UBE3A: variants seen among roughly 807,000 people sequenced by gnomAD.
The protein encoded by UBE3A is ubiquitin protein ligase E3A, also known as ubiquitin-protein ligase E3A.
UBE3A carries 6 observed loss-of-function variants against 83.4 expected under a neutral mutation model. That is an observed-to-expected ratio of 0.07 (90% CI 0.04 to 0.14). UBE3A has a LOEUF of 0.14. Among genes scored for constraint, UBE3A ranks in the 10% least tolerant of loss-of-function variants. The pLI, the probability that UBE3A is intolerant of heterozygous loss-of-function variation, is 1.00. For synonymous variants in UBE3A, 337 were observed against 355.4 expected, an observed-to-expected ratio of 0.95 and a Z score of 0.58; for missense variants, 456 against 1,036.1, an observed-to-expected ratio of 0.44 and a Z score of 7.69.
chr15:25,379,488 G>C (rs1053162957), intron 4 of UBE3A, among the ~76,000 whole-genome samples: 2 of 152,120 alleles, frequency 1.3e-5, no homozygotes, highest in African/African-American at 4.8e-5. Flanking sequence ...GATGAGACAG[G>C]ACTAAAGGAA....
chr15:25,434,969 T>TACACACACAC (rs55856025), intron 1 of UBE3A, among the ~76,000 whole-genome samples: 7 of 142,882 alleles, frequency 4.9e-5, no homozygotes, highest in African/African-American at 1.9e-4. Flanking sequence ...TCTATATACA[T>TACACACACAC]ACACACACAC....
At chr15:25,378,501 C>A (rs2081604804) in intron 4 of UBE3A, among the ~76,000 whole-genome samples, 1 of 152,088 alleles carries the variant, frequency 6.6e-6, no homozygotes, top group Non-Finnish European at 1.5e-5. Context: ...CACTGCGGGG[C>A]ACTTTGACAT....
At chr15:25,357,038 A>G (rs890499875) in intron 7 of UBE3A, 142 bp from the exon 8 acceptor site, 2 of 705,372 alleles carry the variant, frequency 2.8e-6, no homozygotes, top group East Asian at 5.6e-5. Flanking sequence ...GATTTCTATT[A>G]TATTAGCACT....
At chr15:25,416,914 G>A (rs1265086263) in intron 1 of UBE3A, among the ~76,000 whole-genome samples, 1 of 152,122 alleles carries the variant, frequency 6.6e-6, no homozygotes, top group Admixed American at 6.6e-5. Flanking sequence ...CCAGTGAGAA[G>A]ACAGCAGTTT....
intron 4 of UBE3A, among the ~76,000 whole-genome samples, chr15:25,393,417 A>G (rs1204625446): frequency 6.6e-6 from 1 of 152,190 alleles, no homozygotes; most frequent in Non-Finnish European, 1.5e-5. Context: ...CAGTTAAAAA[A>G]CAAAGAACTC....
chr15:25,412,009 AAAC>A (rs1374513500), intron 1 of UBE3A, 38 bp from the exon 2 acceptor site: 1 of 152,224 alleles, frequency 6.6e-6, no homozygotes. Flanking sequence ...CTTTTTACAT[AAAC>A]AACTGGATGA....
chr15:25,387,521 CA>C lies in UBE3A; in HGVS notation c.63-11759del, dbSNP rs908501301. ...TGGGCGACAAAGCGAGACTCCATCT[CA>C]AAAAAAAAAGAAAAGAAAAGAATGA... is the stretch of plus-strand genomic sequence containing the variant. On this transcript the variant is annotated intron_variant, in intron 4 of 12. Coordinates refer to ENST00000648336, the MANE Select transcript of UBE3A (RefSeq NM_130839.5). 6.3e-4 allele frequency among the ~76,000 whole-genome samples: 88 copies of C among 140,680 alleles called. 1 individual carries two copies. The East Asian group carries it at 0.012, about 20-fold the overall frequency. The allele number at this position is 140,680 out of a possible 152,430, so 92.3% of individuals were successfully genotyped here. A position where few individuals can be genotyped will look rare whatever the true frequency, so the allele number is the denominator to read the frequency against.
intron 4 of UBE3A, among the ~76,000 whole-genome samples, chr15:25,401,670 T>G (rs928451197): frequency 2.6e-5 from 4 of 152,234 alleles, no homozygotes; most frequent in Non-Finnish European, 4.4e-5. Context: ...TGATTTAACT[T>G]GAGTCATCTC....
intron 12 of UBE3A, 187 bp from the exon 13 acceptor site, chr15:25,339,444 A>C (rs1428336322): frequency 3.2e-6 from 2 of 617,606 alleles, no homozygotes; most frequent in East Asian, 6.6e-5. Context: ...AAATTACTCA[A>C]AGCTAGTGAC....
At chr15:25,411,629 A>C (rs2090021125) in intron 2 of UBE3A, among the ~76,000 whole-genome samples, 2 of 152,140 alleles carry the variant, frequency 1.3e-5, no homozygotes, top group African/African-American at 4.8e-5. Flanking sequence ...CAACAACAAC[A>C]AATGAAAGCT....
chr15:25,368,907 C>G (rs1002210153), intron 6 of UBE3A, among the ~76,000 whole-genome samples: 42 of 152,094 alleles, frequency 2.8e-4, no homozygotes, highest in African/African-American at 9.9e-4. Context: ...TTTTTTGAAC[C>G]CTGGAATGAT....
intron 4 of UBE3A, among the ~76,000 whole-genome samples, chr15:25,404,526 C>T (rs1460245211): frequency 6.6e-6 from 1 of 152,150 alleles, no homozygotes; most frequent in African/African-American, 2.4e-5. Flanking sequence ...ACTTCATGTC[C>T]TAAATATTTG....
chr15:25,333,820 C>T lies in UBE3A; in HGVS notation c.*5317G>A, dbSNP rs1238815461. ...TTCAATATACAAAAGTCCATTAATA[C>T]AACATATTAATAAAGGACAAAACAA... On this transcript the variant is annotated 3_prime_UTR_variant, in exon 13 of 13. Transcript: ENST00000648336. 3 of 150,866 alleles carry T rather than the reference C, an allele frequency of 2.0e-5. No homozygotes were observed. Among genetic ancestry groups the T allele is most frequent in the Non-Finnish European group, 4.4e-5 (3 of 67,866 alleles). 9.3% of individuals were successfully genotyped at this position (150,866 alleles called of 1,614,324 possible). A position where few individuals can be genotyped will look rare whatever the true frequency, so the allele number is the denominator to read the frequency against.
chr15:25,381,122 G>A (rs146343954), intron 4 of UBE3A, among the ~76,000 whole-genome samples: 78 of 152,316 alleles, frequency 5.1e-4, no homozygotes, highest in African/African-American at 1.7e-3. Flanking sequence ...TACAAGGATG[G>A]TTATACGATA....
intron 4 of UBE3A, among the ~76,000 whole-genome samples, chr15:25,392,280 A>G (rs2084574129): frequency 6.6e-6 from 1 of 152,170 alleles, no homozygotes; most frequent in Admixed American, 6.6e-5. Context: ...TTCCTAAGAA[A>G]TATAGACCTT....
At chr15:25,385,587 G>A (rs960410524) in intron 4 of UBE3A, among the ~76,000 whole-genome samples, 2 of 152,028 alleles carry the variant, frequency 1.3e-5, no homozygotes, top group Non-Finnish European at 2.9e-5. Flanking sequence ...CATATGAAGA[G>A]CTTGGAAGTC....
intron 4 of UBE3A, among the ~76,000 whole-genome samples, chr15:25,388,919 C>T (rs1299421194): frequency 6.6e-6 from 1 of 151,990 alleles, no homozygotes; most frequent in African/African-American, 2.4e-5. Flanking sequence ...AAAATTAGTA[C>T]AAGATATATG....
chr15:25,337,862 T>A lies in UBE3A; in HGVS notation c.*1275A>T, dbSNP rs977986564. 6.6e-6 allele frequency: 1 copy of A among 152,218 alleles called. No individual in the cohort carries two copies. Among genetic ancestry groups the A allele is most frequent in the African/African-American group, 2.4e-5 (1 of 41,470 alleles). 9.4% of individuals were successfully genotyped at this position (152,218 alleles called of 1,614,324 possible). On this transcript the variant is annotated 3_prime_UTR_variant, in exon 13 of 13. Coordinates refer to ENST00000648336, the MANE Select transcript of UBE3A (RefSeq NM_130839.5). ...GAAGACTAGGAAAGGGGAAACTACT[T>A]ACTTCTGGAAATCAGTAATGTAAAC... is the stretch of plus-strand genomic sequence containing the variant.
At chr15:25,418,839 T>C (rs78680648) in intron 1 of UBE3A, 1 of 152,264 alleles carries the variant, frequency 6.6e-6, no homozygotes, top group African/African-American at 2.4e-5. Context: ...TTAGTGAGTC[T>C]TTCAATCCAA....
Sources: allele counts gnomAD v4.1 joint callset (sites outside exome capture counted in the v4.1 genomes callset), GRCh38; gene constraint gnomAD v4.1.1; transcripts MANE v1.5; gene names NCBI Gene and HGNC (gene_info 2026-07-23, HGNC 2026-07-21).